The following FAM149B1 variants were observed in gnomAD, a reference collection of about 807,000 sequenced individuals.
The protein encoded by FAM149B1 is primary cilium assembly protein FAM149B1.
A neutral mutation model predicts 75.3 loss-of-function variants in FAM149B1; 56 were observed. The observed-to-expected ratio is 0.74, with a 90% CI of 0.60 to 0.93. FAM149B1 has a LOEUF of 0.93. FAM149B1 is among the 40% of genes least tolerant of loss of function. The probability of loss-of-function intolerance (pLI) is 0.00; values close to 1 mark genes in which losing one functional copy is unlikely to be tolerated. For synonymous variants in FAM149B1, 259 were observed against 256.1 expected, an observed-to-expected ratio of 1.01 and a Z score of -0.11; for missense variants, 639 against 708.4, an observed-to-expected ratio of 0.90 and a Z score of 1.11.
chr10:73,182,202 A>G (rs1302412388), intron 3 of FAM149B1, among the ~76,000 whole-genome samples: 3 of 139,768 alleles, frequency 2.1e-5, no homozygotes, highest in African/African-American at 8.1e-5. Flanking sequence ...CCATTCACCC[A>G]GTCTGTGTCT....
At chr10:73,179,156 G>C (rs757535773) in intron 3 of FAM149B1, among the ~76,000 whole-genome samples, 16 of 151,904 alleles carry the variant, frequency 1.1e-4, no homozygotes, top group Non-Finnish European at 2.1e-4. Context: ...GTAGAGACAG[G>C]GTTTCACCAT....
chr10:73,189,832 A>C (rs1216937643), intron 3 of FAM149B1, among the ~76,000 whole-genome samples: 1 of 152,262 alleles, frequency 6.6e-6, no homozygotes, highest in African/African-American at 2.4e-5. Flanking sequence ...CTGTACACTT[A>C]AATGTGCATT....
intron 5 of FAM149B1, among the ~76,000 whole-genome samples, chr10:73,201,377 C>G (rs1452490278): frequency 6.6e-6 from 1 of 152,196 alleles, no homozygotes; most frequent in Non-Finnish European, 1.5e-5. Flanking sequence ...ACCAAAGCAA[C>G]ATTAGTCGTG....
intron 2 of FAM149B1, among the ~76,000 whole-genome samples, chr10:73,176,793 G>A (rs1843984254): frequency 6.6e-6 from 1 of 151,974 alleles, no homozygotes; most frequent in Non-Finnish European, 1.5e-5. Flanking sequence ...TTGGGAGGCC[G>A]ATGTAGGCGG....
intron 3 of FAM149B1, among the ~76,000 whole-genome samples, chr10:73,188,384 A>G (rs1191203259): frequency 6.6e-6 from 1 of 152,230 alleles, no homozygotes; most frequent in Non-Finnish European, 1.5e-5. Flanking sequence ...ATGTATAATC[A>G]AATCAAGACC....
Position 73,235,293 on chromosome 10 carries a change from G to C in FAM149B1, c.1577G>C (p.Arg526Thr), listed in dbSNP as rs368000228. 5.9e-5 allele frequency: 91 copies of C among 1,551,914 alleles called. No homozygotes were observed. Among genetic ancestry groups the C allele is most frequent in the Non-Finnish European group, 7.4e-5 (85 of 1,147,044 alleles). The change falls in exon 12 of 14, where the codon AGG (arginine) becomes ACG (threonine). Residue 526 changes from arginine (R) to threonine (T), a missense_variant. Arg to Thr is a moderately conservative substitution (Grantham distance 71). Coordinates refer to ENST00000242505, the MANE Select transcript of FAM149B1 (RefSeq NM_173348.2). The part of the protein sequence containing the change: ...ERLLLPDFFP[R>T]PNTTQSFLLD... Reference sequence around the variant, plus strand: ...CTCCTTTTGCCCGACTTTTTCCCCAGGCCCAACACAACTCAATCATTTTTG... The same window carrying C: ...CTCCTTTTGCCCGACTTTTTCCCCACGCCCAACACAACTCAATCATTTTTG...
At chr10:73,200,666 G>C (rs989680598) in intron 5 of FAM149B1, 2 of 534,140 alleles carry the variant, frequency 3.7e-6, no homozygotes, top group Non-Finnish European at 6.9e-6. Flanking sequence ...GATGCCAACT[G>C]ATGTGTTGGA....
chr10:73,208,787 G>A lies in FAM149B1; in HGVS notation c.710+1G>A, dbSNP rs1003682199. 1 of 1,488,376 alleles carries A rather than the reference G, an allele frequency of 6.7e-7. No homozygotes were observed. Among genetic ancestry groups the A allele is most frequent in the East Asian group, 2.5e-5 (1 of 39,622 alleles). 92.2% of individuals were successfully genotyped at this position (1,488,376 alleles called of 1,614,324 possible). A position where few individuals can be genotyped will look rare whatever the true frequency, so the allele number is the denominator to read the frequency against. On this transcript the variant is annotated splice_donor_variant, in intron 6 of 13. Coordinates refer to ENST00000242505, the MANE Select transcript of FAM149B1 (RefSeq NM_173348.2). LOFTEE classifies it high-confidence loss of function. The stretch of plus-strand genomic sequence containing the variant: ...ACCTAGCATTCGATCACATAGATAT[G>A]TGAGTATTATGCCTTTTAAGCTTTT...
Position 73,168,351 on chromosome 10 carries a change from A to C in FAM149B1, c.12A>C (p.Arg4Ser). The C allele has an allele frequency of 6.5e-7, 1 of 1,549,758 alleles. No individual in the cohort carries two copies. Among genetic ancestry groups the C allele is most frequent in the Non-Finnish European group, 8.7e-7 (1 of 1,146,780 alleles). MIS[R>S]YTRKAVPQSL... Reference sequence around the variant, plus strand: ...GGAGGAGGAGGAGGATGATCTCCAGATACACTCGGAAGGCGGTGCCACAGA... The same window carrying C: ...GGAGGAGGAGGAGGATGATCTCCAGCTACACTCGGAAGGCGGTGCCACAGA... Residue 4 changes from arginine to serine, a missense_variant, in exon 1 of 14, where the codon AGA (arginine) becomes AGC (serine). Physicochemically the swap from Arg to Ser is moderately radical, Grantham distance 110. Coordinates refer to ENST00000242505, the MANE Select transcript of FAM149B1 (RefSeq NM_173348.2).
chr10:73,204,814 G>A (rs1160241458), intron 5 of FAM149B1, among the ~76,000 whole-genome samples: 1 of 120,772 alleles, frequency 8.3e-6, no homozygotes, highest in Non-Finnish European at 1.6e-5. Context: ...GTCTCGCTCT[G>A]ACGCCCAGGC....
intron 6 of FAM149B1, among the ~76,000 whole-genome samples, chr10:73,209,539 T>C (rs1305191524): frequency 6.6e-6 from 1 of 152,228 alleles, no homozygotes; most frequent in Non-Finnish European, 1.5e-5. Context: ...ATTAATAATG[T>C]CTATTTATAT....
chr10:73,170,199 C>G (rs1249613646), intron 1 of FAM149B1, among the ~76,000 whole-genome samples: 1 of 152,066 alleles, frequency 6.6e-6, no homozygotes, highest in African/African-American at 2.4e-5. Flanking sequence ...AGGAGTAACA[C>G]CTTATCCAAA....
At chr10:73,214,191 A>AT (rs2043247479) in intron 7 of FAM149B1, among the ~76,000 whole-genome samples, 1 of 152,176 alleles carries the variant, frequency 6.6e-6, no homozygotes, top group Admixed American at 6.5e-5. Context: ...TACTAAATTT[A>AT]TTTATCGAAT....
chr10:73,234,529 A>T (rs2043779051), intron 10 of FAM149B1: 2 of 313,864 alleles, frequency 6.4e-6, no homozygotes, highest in Non-Finnish European at 1.2e-5. Context: ...TCAGCAGAGA[A>T]GTGCAATACC....
chr10:73,216,356 T>C (rs2043299465), intron 7 of FAM149B1, among the ~76,000 whole-genome samples: 1 of 152,256 alleles, frequency 6.6e-6, no homozygotes, highest in Admixed American at 6.5e-5. Flanking sequence ...ATGCTGCTAA[T>C]CTGTGTCTTT....
At chr10:73,175,129 G>C (rs1843891127) in intron 2 of FAM149B1, among the ~76,000 whole-genome samples, 2 of 152,134 alleles carry the variant, frequency 1.3e-5, no homozygotes, top group Non-Finnish European at 1.5e-5. Flanking sequence ...GAGGCCAAAA[G>C]GTGGGAGGAT....
In FAM149B1 at chr10:73,219,106, T is replaced by C. The variant is rs1010914309; in HGVS notation, c.898+8668T>C. Among the ~76,000 whole-genome samples the C allele has an allele frequency of 3.5e-4, 54 of 152,276 alleles. 1 individual carries two copies. Among genetic ancestry groups the C allele is most frequent in the Middle Eastern group, 3.4e-3 (1 of 294 alleles). On this transcript the variant is annotated intron_variant, in intron 7 of 13. Coordinates refer to ENST00000242505, the MANE Select transcript of FAM149B1 (RefSeq NM_173348.2). ...TTTTTATCATGCTTCTCAAAATTCT[T>C]CCAACCTGTATCAATGAATAGTCAA...
intron 12 of FAM149B1, among the ~76,000 whole-genome samples, chr10:73,238,334 G>A (rs564276583): frequency 7.2e-5 from 11 of 152,274 alleles, no homozygotes; most frequent in South Asian, 2.1e-4. Context: ...GCGACAGAGC[G>A]AGAAGACTCT....
At chr10:73,220,433 G>C (rs2043384140) in intron 7 of FAM149B1, among the ~76,000 whole-genome samples, 1 of 152,052 alleles carries the variant, frequency 6.6e-6, no homozygotes, top group Admixed American at 6.6e-5. Context: ...ATAAAAAAGA[G>C]AACTGAAAAC....
Sources: allele counts gnomAD v4.1 joint callset (sites outside exome capture counted in the v4.1 genomes callset), GRCh38; gene constraint gnomAD v4.1.1; transcripts MANE v1.5; gene names NCBI Gene and HGNC (gene_info 2026-07-23, HGNC 2026-07-21).